Variants in CFDP1 observed in about 807,000 individuals in gnomAD.
The protein encoded by CFDP1 is heterochromatin-stabilizing protein CFDP1.
CFDP1 carries 31 observed loss-of-function variants against 40.1 expected under a neutral mutation model. That is an observed-to-expected ratio of 0.77 (90% CI 0.58 to 1.04). CFDP1 has a LOEUF of 1.04. Among genes scored for constraint, CFDP1 ranks in the 50% least tolerant of loss-of-function variants. The probability of loss-of-function intolerance (pLI) is 0.00; values close to 1 mark genes in which losing one functional copy is unlikely to be tolerated. For missense variants in CFDP1, 423 were observed against 343.4 expected (o/e 1.23, Z -1.83); for synonymous variants, 167 against 120.0 (o/e 1.39, Z -2.56).
chr16:75,349,676 A>ATATAT (rs1199163361), intron 5 of CFDP1, among the ~76,000 whole-genome samples: 1 of 5,870 alleles, frequency 1.7e-4, no homozygotes, highest in South Asian at 4.0e-3. Context: ...AAAAAAAAAA[A>ATATAT]AAAAAAAAAA....
intron 5 of CFDP1, among the ~76,000 whole-genome samples, chr16:75,314,692 A>G (rs1567642486): frequency 6.6e-6 from 1 of 152,230 alleles, no homozygotes; most frequent in African/African-American, 2.4e-5. Flanking sequence ...CTGGATTTAT[A>G]TGCTCAATTT....
intron 1 of CFDP1, among the ~76,000 whole-genome samples, chr16:75,425,573 C>G (rs1003087343): frequency 4.0e-5 from 6 of 150,642 alleles, no homozygotes; most frequent in African/African-American, 1.5e-4. Flanking sequence ...ATGGCCAGTT[C>G]ACTTTACAGA....
At chr16:75,426,671 G>T (rs960080802) in intron 1 of CFDP1, among the ~76,000 whole-genome samples, 4 of 151,734 alleles carry the variant, frequency 2.6e-5, no homozygotes, top group Admixed American at 6.6e-5. Context: ...GCAAGACTCT[G>T]TTTCAAAAAA....
At chr16:75,408,155 G>T (rs2079120273) in intron 4 of CFDP1, among the ~76,000 whole-genome samples, 1 of 151,826 alleles carries the variant, frequency 6.6e-6, no homozygotes, top group African/African-American at 2.4e-5. Flanking sequence ...AGGGAAGGAG[G>T]AGAGAGAAAG....
chr16:75,328,097 T>C (rs4887818), intron 5 of CFDP1, among the ~76,000 whole-genome samples: 75,936 of 150,392 alleles, frequency 0.5, 20,635 homozygotes, highest in Admixed American at 0.66. Flanking sequence ...GGGCAGGAGG[T>C]GGTATGAGAG....
chr16:75,426,931 T>C (rs566055776), intron 1 of CFDP1, among the ~76,000 whole-genome samples: 56 of 151,666 alleles, frequency 3.7e-4, no homozygotes, highest in African/African-American at 1.3e-3. Flanking sequence ...GGCGAGTGCT[T>C]GTAATCCCAC....
intron 5 of CFDP1, among the ~76,000 whole-genome samples, chr16:75,339,040 C>T (rs1011391057): frequency 7.9e-5 from 12 of 152,050 alleles, no homozygotes; most frequent in East Asian, 5.8e-4. Context: ...TTGTTGCTTA[C>T]GTTCTGGGAA....
rs373619263 is a variant in CFDP1, at chr16:75,346,750, T to C, written c.651-41568A>G. 1.4e-4 allele frequency among the ~76,000 whole-genome samples: 20 copies of C among 145,388 alleles called. 3 individuals carry two copies. Among genetic ancestry groups the C allele is most frequent in the Admixed American group, 6.8e-4 (10 of 14,612 alleles). On this transcript the variant is annotated intron_variant, in intron 5 of 6. Coordinates refer to ENST00000283882, the MANE Select transcript of CFDP1 (RefSeq NM_006324.3). ...AAAAAAAAAAAAAGTCAGCACCTACTACAAAAGATTGATATGCCATCCAAA... is the reference window on the plus strand; with the variant it reads ...AAAAAAAAAAAAAGTCAGCACCTACCACAAAAGATTGATATGCCATCCAAA...
intron 5 of CFDP1, among the ~76,000 whole-genome samples, chr16:75,378,749 C>T (rs770021337): frequency 6.6e-6 from 1 of 151,556 alleles, no homozygotes; most frequent in Non-Finnish European, 1.5e-5. Context: ...ACTGACTGGC[C>T]GACAAAAAAG....
In CFDP1 at chr16:75,396,575, G is replaced by A. The variant is rs1348098933; in HGVS notation, c.531-1366C>T. ...AATAAATTGAGAAGACTCTGCAGAA[G>A]GCTCCTGTTTTATATCCAAAACAAC... On this transcript the variant is annotated intron_variant, in intron 4 of 6. Transcript: ENST00000283882. Among the ~76,000 whole-genome samples the A allele has an allele frequency of 2.9e-5, 3 of 103,308 alleles. 1 individual carries two copies. The highest frequency in any genetic ancestry group is 6.9e-5 in the Non-Finnish European group (3 of 43,170). The allele number at this position is 103,308 out of a possible 152,430, so 67.8% of individuals were successfully genotyped here. A position where few individuals can be genotyped will look rare whatever the true frequency, so the allele number is the denominator to read the frequency against.
At chr16:75,350,811 A>G (rs959827805) in intron 5 of CFDP1, among the ~76,000 whole-genome samples, 1 of 152,198 alleles carries the variant, frequency 6.6e-6, no homozygotes, top group Non-Finnish European at 1.5e-5. Flanking sequence ...TATATGGTCT[A>G]TTACCGTTAA....
chr16:75,325,546 A>C (rs946358123), intron 5 of CFDP1, among the ~76,000 whole-genome samples: 3 of 152,120 alleles, frequency 2.0e-5, no homozygotes, highest in African/African-American at 4.8e-5. Flanking sequence ...AATGTATCCC[A>C]TAATTTATTT....
At chr16:75,381,688 T>C (rs1378572897) in intron 5 of CFDP1, among the ~76,000 whole-genome samples, 2 of 152,128 alleles carry the variant, frequency 1.3e-5, no homozygotes, top group African/African-American at 4.8e-5. Flanking sequence ...TTCTGTAATA[T>C]GGGAGGATTT....
chr16:75,306,881 ACACACACACACACACACACACG>A (rs1360653012), intron 5 of CFDP1, among the ~76,000 whole-genome samples: 1 of 138,694 alleles, frequency 7.2e-6, no homozygotes, highest in East Asian at 2.3e-4. Context: ...GCGTGATCAC[ACACACACACACACACACACACG>A]CACACACACA....
At chr16:75,362,925 G>C (rs1317297292) in intron 5 of CFDP1, 1 of 152,092 alleles carries the variant, frequency 6.6e-6, no homozygotes, top group African/African-American at 2.4e-5. Context: ...TTATGGCAGT[G>C]GCAGATCTTA....
At chr16:75,331,431 T>G (rs184091292) in intron 5 of CFDP1, among the ~76,000 whole-genome samples, 7 of 152,256 alleles carry the variant, frequency 4.6e-5, no homozygotes, top group Admixed American at 3.9e-4. Context: ...ATGCACAGAT[T>G]AAAGGTACTA....
intron 6 of CFDP1, among the ~76,000 whole-genome samples, chr16:75,304,469 T>C (rs1400636374): frequency 6.6e-6 from 1 of 152,234 alleles, no homozygotes; most frequent in Non-Finnish European, 1.5e-5. Context: ...ACATTCTCTT[T>C]GTATTCCACA....
chr16:75,320,206 T>C (rs527863083), intron 5 of CFDP1, among the ~76,000 whole-genome samples: 1 of 152,324 alleles, frequency 6.6e-6, no homozygotes, highest in African/African-American at 2.4e-5. Flanking sequence ...TCCCTACTGC[T>C]AGGAGATGTA....
intron 1 of CFDP1, among the ~76,000 whole-genome samples, chr16:75,427,822 T>A (rs137946546): frequency 6.6e-6 from 1 of 152,214 alleles, no homozygotes; most frequent in Non-Finnish European, 1.5e-5. Flanking sequence ...TTTGTAATCA[T>A]AAAAAATTGG....
Sources: allele counts gnomAD v4.1 joint callset (sites outside exome capture counted in the v4.1 genomes callset), GRCh38; gene constraint gnomAD v4.1.1; transcripts MANE v1.5; gene names NCBI Gene and HGNC (gene_info 2026-07-23, HGNC 2026-07-21).